ADAMTSL1: variants seen among roughly 807,000 people sequenced by gnomAD.
ADAMTSL1 encodes the protein ADAMTS-like protein 1.
Under a neutral mutation model 201.8 loss-of-function variants are expected in ADAMTSL1, and 126 were observed. The observed-to-expected ratio is 0.62, with a 90% CI of 0.54 to 0.72. The LOEUF (loss-of-function observed/expected upper bound fraction) is 0.72, where lower values mean the gene tolerates loss of function less well. Ranked by LOEUF, ADAMTSL1 falls within the 30% of genes least tolerant of loss-of-function variation. The pLI is 0.00. For missense variants in ADAMTSL1, 2,679 were observed against 2,277.8 expected (o/e 1.18, Z -3.59); for synonymous variants, 1,121 against 903.4 (o/e 1.24, Z -4.32).
At chr9:18,026,162 A>G (rs1394397987) in intron 1 of ADAMTSL1, among the ~76,000 whole-genome samples, 4 of 151,748 alleles carry the variant, frequency 2.6e-5, no homozygotes. Context: ...AAGAGAGATT[A>G]TTTACTTCTT....
At chr9:18,807,082 TCTGA>T (rs1445857353) in intron 20 of ADAMTSL1, among the ~76,000 whole-genome samples, 2 of 152,230 alleles carry the variant, frequency 1.3e-5, no homozygotes, top group African/African-American at 2.4e-5. Context: ...TGTTTCTGTG[TCTGA>T]CTATCTTGGA....
intron 4 of ADAMTSL1, among the ~76,000 whole-genome samples, chr9:18,590,218 T>G (rs899275991): frequency 1.3e-5 from 2 of 152,146 alleles, no homozygotes; most frequent in African/African-American, 4.8e-5. Flanking sequence ...TATTCATCAT[T>G]GATCTGTTCA....
rs960232938 is a variant in ADAMTSL1, at chr9:18,892,423, A to C, written c.4678A>C (p.Ser1560Arg). The change falls in exon 26 of 29, where the codon AGC becomes CGC. Residue 1560 changes from serine to arginine, a missense_variant. By Grantham distance (110) the Ser-to-Arg change is moderately radical. Coordinates refer to ENST00000380548, the MANE Select transcript of ADAMTSL1 (RefSeq NM_001040272.6). ...MVTSWSACTR[S>R]CGGGVQTRRV... ...GACCTCCTGGTCTGCCTGTACCCGG[A>C]GCTGTGGGGGAGGTGTCCAGACCCG... is the stretch of plus-strand genomic sequence containing the variant. 3 of 1,613,468 alleles carry C rather than the reference A, an allele frequency of 1.9e-6. No homozygotes were observed. Among genetic ancestry groups the C allele is most frequent in the Non-Finnish European group, 8.5e-7 (1 of 1,179,774 alleles).
rs773326528 is a variant in ADAMTSL1, at chr9:18,724,383, T to C, written c.2006+2718T>C. 1.1e-3 allele frequency among the ~76,000 whole-genome samples: 169 copies of C among 152,348 alleles called. 1 individual carries two copies. Among genetic ancestry groups the C allele is most frequent in the South Asian group, 1.2e-3 (6 of 4,832 alleles). On this transcript the variant is annotated intron_variant, in intron 15 of 28. Coordinates refer to ENST00000380548, the MANE Select transcript of ADAMTSL1 (RefSeq NM_001040272.6). ...GATTAAACTTGGCTTCTCTTGACTC[T>C]GTGTGATGGCAGGGATTGTTTCAGA...
chr9:18,138,663 T>C (rs374282992), intron 1 of ADAMTSL1, among the ~76,000 whole-genome samples: 1 of 152,202 alleles, frequency 6.6e-6, no homozygotes, highest in African/African-American at 2.4e-5. Context: ...GGAAACACTA[T>C]AGAGACACAG....
At chr9:18,386,575 C>G (rs10810962) in intron 2 of ADAMTSL1, among the ~76,000 whole-genome samples, 14,343 of 152,130 alleles carry the variant, frequency 0.094, 1,019 homozygotes, top group Admixed American at 0.23. Context: ...TTCTACTTGA[C>G]AGAAGGTTTA....
intron 2 of ADAMTSL1, among the ~76,000 whole-genome samples, chr9:18,432,353 A>G (rs770341881): frequency 2.0e-5 from 3 of 152,236 alleles, no homozygotes; most frequent in Admixed American, 6.5e-5. Flanking sequence ...AGTTAAATGT[A>G]TAGGTTTTCA....
At chr9:18,805,246 G>C (rs897157299) in intron 20 of ADAMTSL1, among the ~76,000 whole-genome samples, 3 of 152,352 alleles carry the variant, frequency 2.0e-5, no homozygotes, top group Non-Finnish European at 4.4e-5. Context: ...AGTTTACAAA[G>C]AATCTGTTGT....
chr9:18,885,612 G>A (rs962067619), intron 23 of ADAMTSL1, among the ~76,000 whole-genome samples: 14 of 152,178 alleles, frequency 9.2e-5, no homozygotes, highest in Non-Finnish European at 1.5e-4. Context: ...GATACATGAA[G>A]GAGTGAAGAA....
chr9:17,930,406 T>C (rs1242376238), intron 1 of ADAMTSL1, among the ~76,000 whole-genome samples: 2 of 152,130 alleles, frequency 1.3e-5, no homozygotes, highest in African/African-American at 4.8e-5. Flanking sequence ...GTCTACTTTT[T>C]GTATTCTTAA....
intron 1 of ADAMTSL1, among the ~76,000 whole-genome samples, chr9:18,052,358 G>A (rs1431666024): frequency 6.6e-6 from 1 of 152,212 alleles, no homozygotes; most frequent in Non-Finnish European, 1.5e-5. Context: ...AGGTTGAGAG[G>A]TCAGAGAAGG....
chr9:18,639,664 C>T (rs1827325173), intron 7 of ADAMTSL1, among the ~76,000 whole-genome samples: 1 of 151,886 alleles, frequency 6.6e-6, no homozygotes, highest in African/African-American at 2.4e-5. Context: ...TAAAATAACC[C>T]CACCTAAGAG....
chr9:18,406,567 C>G (rs1350516859), intron 2 of ADAMTSL1, among the ~76,000 whole-genome samples: 1 of 152,048 alleles, frequency 6.6e-6, no homozygotes, highest in Non-Finnish European at 1.5e-5. Context: ...CTGACCTCAA[C>G]TGATCTGCCT....
intron 3 of ADAMTSL1, among the ~76,000 whole-genome samples, chr9:18,546,879 G>A (rs371099812): frequency 3.3e-5 from 5 of 152,198 alleles, no homozygotes; most frequent in African/African-American, 9.6e-5. Context: ...ATCCTATGTA[G>A]ATTTCTTTGG....
intron 26 of ADAMTSL1, among the ~76,000 whole-genome samples, chr9:18,897,884 C>T (rs557835194): frequency 4.9e-4 from 75 of 152,004 alleles, no homozygotes; most frequent in Non-Finnish European, 8.2e-4. Context: ...TGGCTTCAGA[C>T]GGTGGATAGT....
At chr9:18,680,598 G>A (rs1049938033) in intron 11 of ADAMTSL1, 82 bp downstream of exon 11, 43 of 1,482,992 alleles carry the variant, frequency 2.9e-5, no homozygotes, top group Non-Finnish European at 3.9e-5. Context: ...CGGGTACCCT[G>A]AGCAGCTCCA....
intron 19 of ADAMTSL1, among the ~76,000 whole-genome samples, chr9:18,782,430 G>A (rs939679917): frequency 2.0e-5 from 3 of 152,132 alleles, no homozygotes; most frequent in African/African-American, 4.8e-5. Context: ...AAAGAGCACC[G>A]CTCATCATTG....
intron 13 of ADAMTSL1, among the ~76,000 whole-genome samples, chr9:18,689,414 T>C (rs531855222): frequency 6.6e-6 from 1 of 152,216 alleles, no homozygotes; most frequent in Non-Finnish European, 1.5e-5. Context: ...AAGCCTGTTC[T>C]GACTTGGGAC....
At chr9:18,191,024 C>G (rs1828946707) in intron 2 of ADAMTSL1, among the ~76,000 whole-genome samples, 1 of 152,036 alleles carries the variant, frequency 6.6e-6, no homozygotes, top group Non-Finnish European at 1.5e-5. Flanking sequence ...GAAAATTATC[C>G]TCTCATAATT....
Sources: allele counts gnomAD v4.1 joint callset (sites outside exome capture counted in the v4.1 genomes callset), GRCh38; gene constraint gnomAD v4.1.1; transcripts MANE v1.5; gene names NCBI Gene and HGNC (gene_info 2026-07-23, HGNC 2026-07-21).